The following NBAS variants were observed in gnomAD, a reference collection of about 807,000 sequenced individuals.
The protein encoded by NBAS is NAG/BC035112 fusion.
NBAS carries 219 observed loss-of-function variants against 302.5 expected under a neutral mutation model. That is an observed-to-expected ratio of 0.72 (90% CI 0.65 to 0.81). The LOEUF is 0.81. Ranked by LOEUF, NBAS falls within the 30% of genes least tolerant of loss-of-function variation. The pLI is 0.00. For missense variants in NBAS, 2,932 were observed against 2,841.6 expected (o/e 1.03, Z -0.72); for synonymous variants, 1,118 against 1,021.6 (o/e 1.09, Z -1.80).
chr2:15,408,473 A>G (rs1676529344), intron 25 of NBAS, among the ~76,000 whole-genome samples: 1 of 152,056 alleles, frequency 6.6e-6, no homozygotes, highest in Non-Finnish European at 1.5e-5. Flanking sequence ...CCCACTCTTT[A>G]TCATTCCCTC....
intron 10 of NBAS, among the ~76,000 whole-genome samples, chr2:15,510,023 T>C (rs1453873486): frequency 6.6e-5 from 10 of 152,210 alleles, no homozygotes; most frequent in African/African-American, 2.2e-4. Flanking sequence ...CTAATTTTTA[T>C]ATTTTTAGTA....
the NBAS span, among the ~76,000 whole-genome samples, chr2:15,012,360 C>G: frequency 2.6e-5 from 4 of 151,652 alleles, no homozygotes; most frequent in Admixed American, 2.0e-4. Flanking sequence ...ATAATAACAA[C>G]AACAAAAAGA....
At chr2:15,230,478 G>C (rs1200906227) in intron 47 of NBAS, among the ~76,000 whole-genome samples, 1 of 147,746 alleles carries the variant, frequency 6.8e-6, no homozygotes, top group African/African-American at 2.5e-5. Flanking sequence ...TAAAAAGTAA[G>C]ATCTTGTTCT....
chr2:15,179,390 T>C (rs1008106076), intron 50 of NBAS: 2 of 382,058 alleles, frequency 5.2e-6, no homozygotes, highest in Admixed American at 8.0e-5. Flanking sequence ...GATATAGTGG[T>C]ATAATTTATT....
chr2:15,271,831 G>A (rs1445421034), intron 44 of NBAS, among the ~76,000 whole-genome samples: 4 of 151,996 alleles, frequency 2.6e-5, no homozygotes, highest in Admixed American at 2.0e-4. Flanking sequence ...CCATTCACTT[G>A]TTCTCTGTCC....
chr2:14,937,354 C>G, the NBAS span, among the ~76,000 whole-genome samples: 1 of 152,304 alleles, frequency 6.6e-6, no homozygotes, highest in East Asian at 1.9e-4. Context: ...AACAACCACA[C>G]GCACAGCAAG....
rs992484592 is a variant in NBAS, at chr2:15,461,797, G to A, written c.2098-6C>T. The A allele has an allele frequency of 1.3e-6, 2 of 1,512,728 alleles. No homozygotes were observed. Among genetic ancestry groups the A allele is most frequent in the Non-Finnish European group, 9.2e-7 (1 of 1,089,954 alleles). The allele number at this position is 1,512,728 out of a possible 1,614,324, so 93.7% of individuals were successfully genotyped here. A position where few individuals can be genotyped will look rare whatever the true frequency, so the allele number is the denominator to read the frequency against. On this transcript the variant is annotated splice_region_variant and splice_polypyrimidine_tract_variant and intron_variant, in intron 19 of 51. Coordinates refer to ENST00000281513, the MANE Select transcript of NBAS (RefSeq NM_015909.4). The stretch of plus-strand genomic sequence containing the variant: ...TGAGGCACTCCTAGGATTTCCTGAG[G>A]GGAAATTTAATGAAAAGTGATTTAA...
chr2:15,088,555 G>C, the NBAS span, among the ~76,000 whole-genome samples: 1 of 152,140 alleles, frequency 6.6e-6, no homozygotes, highest in African/African-American at 2.4e-5. Context: ...GGGCCAGAGA[G>C]CATGGCTTAT....
intron 9 of NBAS, among the ~76,000 whole-genome samples, chr2:15,530,730 T>C (rs1208686102): frequency 2.3e-5 from 2 of 87,346 alleles, no homozygotes; most frequent in Middle Eastern, 6.0e-3. Flanking sequence ...TCCAGAGAAT[T>C]AAAAGAAAAA....
intron 24 of NBAS, 55 bp from the exon 25 acceptor site, chr2:15,415,774 C>T (rs1254433239): frequency 3.2e-6 from 5 of 1,581,058 alleles, no homozygotes; most frequent in Admixed American, 1.7e-5. Flanking sequence ...AACTAAATGC[C>T]TTATTATATC....
intron 40 of NBAS, among the ~76,000 whole-genome samples, chr2:15,293,033 G>A (rs1044359359): frequency 1.2e-4 from 18 of 151,872 alleles, no homozygotes; most frequent in Non-Finnish European, 2.2e-4. Flanking sequence ...CAAAACCTCC[G>A]AACACTTAAA....
intron 28 of NBAS, among the ~76,000 whole-genome samples, chr2:15,388,802 T>C (rs899062364): frequency 1.3e-5 from 2 of 152,040 alleles, no homozygotes; most frequent in South Asian, 2.1e-4. Context: ...CTTCCCAACA[T>C]TGAGAATGAA....
At chr2:15,103,039 G>A in the NBAS span, among the ~76,000 whole-genome samples, 44 of 139,978 alleles carry the variant, frequency 3.1e-4, no homozygotes, top group Middle Eastern at 7.2e-3. Flanking sequence ...AAAGAGGGTC[G>A]GAGGGAGGGA....
At chr2:15,021,236 G>C in the NBAS span, among the ~76,000 whole-genome samples, 3 of 149,822 alleles carry the variant, frequency 2.0e-5, no homozygotes, top group Non-Finnish European at 4.4e-5. Context: ...CTGAGACCTT[G>C]TCTAAAAAAA....
At chr2:15,134,056 T>TTCTCTCTCTCTCTC in the NBAS span, among the ~76,000 whole-genome samples, 1,752 of 145,710 alleles carry the variant, frequency 0.012, 25 homozygotes, top group Middle Eastern at 0.041. Context: ...GAACATTTCT[T>TTCTCTCTCTCTCTC]TCTCTCTCTC....
At chr2:15,330,371 G>A (rs950085915) in intron 36 of NBAS, among the ~76,000 whole-genome samples, 3 of 152,022 alleles carry the variant, frequency 2.0e-5, no homozygotes, top group Admixed American at 1.3e-4. Context: ...TATATAAACC[G>A]AGCCTTACCT....
At chr2:14,926,202 G>C in the NBAS span, among the ~76,000 whole-genome samples, 1 of 152,242 alleles carries the variant, frequency 6.6e-6, no homozygotes, top group South Asian at 2.1e-4. Context: ...ACCACACTTA[G>C]GGACCCATAC....
chr2:15,429,279 A>C (rs1677641475), intron 21 of NBAS, among the ~76,000 whole-genome samples: 1 of 152,232 alleles, frequency 6.6e-6, no homozygotes, highest in African/African-American at 2.4e-5. Context: ...TTCTGAATTA[A>C]GAATAAAGAC....
intron 8 of NBAS, among the ~76,000 whole-genome samples, chr2:15,535,111 AAAG>A (rs144355280): frequency 1.1e-3 from 174 of 152,372 alleles, no homozygotes; most frequent in African/African-American, 4.1e-3. Flanking sequence ...ATGATGAATG[AAAG>A]AAGACTTAGA....
Sources: gnomAD v4.1 joint callset for allele counts (sites outside exome capture counted in the v4.1 genomes callset) on GRCh38, gnomAD v4.1.1 for gene constraint, MANE v1.5 for transcripts, NCBI Gene and HGNC (gene_info 2026-07-23, HGNC 2026-07-21) for gene names.